The following DNAH12 variants were observed in gnomAD, a reference collection of about 807,000 sequenced individuals.
DNAH12 encodes the protein dynein axonemal heavy chain 12, also known as axonemal beta dynein heavy chain 12.
DNAH12 carries 285 observed loss-of-function variants against 371.5 expected under a neutral mutation model. The ratio of observed to expected loss-of-function variants is 0.77; its 90% CI spans 0.70 to 0.85. The LOEUF is 0.85. Ranked by LOEUF, DNAH12 falls within the 40% of genes least tolerant of loss-of-function variation. DNAH12 has a pLI of 0.00. For missense variants in DNAH12, 3,611 were observed against 3,689.4 expected (o/e 0.98, Z 0.55); for synonymous variants, 1,200 against 1,213.0 (o/e 0.99, Z 0.22).
At chr3:57,509,330 G>GA in intron 5 of DNAH12, 118 bp from the exon 6 acceptor site, 1 of 925,324 alleles carries the variant, frequency 1.1e-6, no homozygotes. Context: ...AGGAATGTAA[G>GA]AAAAAACTCC....
chr3:57,332,482 C>T (rs150392527), intron 62 of DNAH12, among the ~76,000 whole-genome samples: 31 of 152,290 alleles, frequency 2.0e-4, no homozygotes, highest in African/African-American at 7.2e-4. Flanking sequence ...GGACTGTGAT[C>T]ACTGAGAAAA....
intron 13 of DNAH12, among the ~76,000 whole-genome samples, chr3:57,477,220 G>A (rs988880495): frequency 1.3e-5 from 2 of 152,146 alleles, no homozygotes; most frequent in Non-Finnish European, 2.9e-5. Context: ...CAGGTCACTC[G>A]CACCCTAATA....
rs537118678 is a variant in DNAH12, at chr3:57,504,059, T to C, written c.1043A>G (p.Asp348Gly). Reference protein sequence around the residue: ...EFYPTFQDLEDNVLSLVERIA... With the variant: ...EFYPTFQDLEGNVLSLVERIA... ...TCGTTCCACCAAACTCAAGACATTATCTTCCAAATCTTGAAAGGTAGGATA... is the reference window on the plus strand; with the variant it reads ...TCGTTCCACCAAACTCAAGACATTACCTTCCAAATCTTGAAAGGTAGGATA... The change falls in exon 9 of 74, where the codon GAT (aspartate) becomes GGT (glycine). Residue 348 changes from aspartate to glycine, a missense_variant. Coordinates refer to ENST00000495027, the MANE Select transcript of DNAH12 (RefSeq NM_001366028.2). 57 of 1,613,920 alleles carry C rather than the reference T, an allele frequency of 3.5e-5. No individual in the cohort carries two copies. The South Asian group carries it at 5.4e-4, about 15-fold the overall frequency.
At chr3:57,513,684 T>C (rs1343121518) in intron 4 of DNAH12, among the ~76,000 whole-genome samples, 1 of 152,148 alleles carries the variant, frequency 6.6e-6, no homozygotes, top group Non-Finnish European at 1.5e-5. Context: ...AAAATGGCAC[T>C]TAAACCATAT....
chr3:57,293,887 G>A lies in DNAH12; in HGVS notation c.11777C>T (p.Thr3926Met), dbSNP rs368926229. 554 of 1,546,194 alleles carry A rather than the reference G, an allele frequency of 3.6e-4. No individual in the cohort carries two copies. The African/African-American group carries it at 5.9e-3, about 16-fold the overall frequency. Residue 3926 changes from threonine (T) to methionine (M), a missense_variant, in exon 74 of 74, where the codon ACG becomes ATG. Coordinates refer to ENST00000495027, the MANE Select transcript of DNAH12 (RefSeq NM_001366028.2). ...AATGACAAAGTTAGTAGAATGTCCC[G>A]TAGTGGAAAGAGTTCCTTTACGTTC... ...TSERKGTLST[T>M]GHSTNFVIAM...
chr3:57,381,419 T>C (rs1328290273), intron 50 of DNAH12, among the ~76,000 whole-genome samples: 1 of 152,116 alleles, frequency 6.6e-6, no homozygotes, highest in African/African-American at 2.4e-5. Context: ...GTAAATTCAG[T>C]TTAGAATGGA....
chr3:57,314,131 AG>A (rs1205723062), intron 66 of DNAH12, among the ~76,000 whole-genome samples: 1 of 152,204 alleles, frequency 6.6e-6, no homozygotes, highest in Admixed American at 6.5e-5. Flanking sequence ...AGGAAAGTAG[AG>A]GATAGTGGGG....
At chr3:57,501,005 TCCTGG>T (rs1445484276) in intron 11 of DNAH12, among the ~76,000 whole-genome samples, 1 of 152,210 alleles carries the variant, frequency 6.6e-6, no homozygotes, top group Non-Finnish European at 1.5e-5. Flanking sequence ...GGTCTCAAAT[TCCTGG>T]GCTCAAGCAA....
chr3:57,540,774 C>CA (rs879583198), intron 2 of DNAH12, among the ~76,000 whole-genome samples: 6 of 151,874 alleles, frequency 4.0e-5, no homozygotes, highest in Admixed American at 3.9e-4. Context: ...TTCAAAAATA[C>CA]AAAAAATTAG....
intron 6 of DNAH12, 143 bp downstream of exon 6, chr3:57,508,997 A>G (rs727978): frequency 0.13 from 89,968 of 695,782 alleles, 6,440 homozygotes; most frequent in South Asian, 0.17. Flanking sequence ...AATACCTCTG[A>G]GGTAAAAACA....
intron 8 of DNAH12, among the ~76,000 whole-genome samples, chr3:57,505,093 G>A (rs540324276): frequency 6.6e-6 from 1 of 152,040 alleles, no homozygotes; most frequent in East Asian, 1.9e-4. Flanking sequence ...TTGTCACGTT[G>A]CTCATGGCTG....
At chr3:57,461,409 C>T in intron 19 of DNAH12, 80 bp downstream of exon 19, 1 of 1,360,536 alleles carries the variant, frequency 7.4e-7, no homozygotes, top group South Asian at 1.3e-5. Flanking sequence ...CAATAAGCTA[C>T]TTATTACCAT....
At chr3:57,302,827 C>G (rs540093088) in intron 69 of DNAH12, among the ~76,000 whole-genome samples, 4 of 149,030 alleles carry the variant, frequency 2.7e-5, no homozygotes, top group African/African-American at 9.8e-5. Flanking sequence ...TCACCTGCCT[C>G]GGCCTCCCAA....
At chr3:57,333,011 A>C (rs2062136599) in intron 62 of DNAH12, among the ~76,000 whole-genome samples, 1 of 152,230 alleles carries the variant, frequency 6.6e-6, no homozygotes, top group Non-Finnish European at 1.5e-5. Context: ...ATAACCACAG[A>C]AGTTGATAAA....
At chr3:57,421,902 C>CTTTTTTTTTTTTTTTTTTTTTTTT (rs368757579) in intron 35 of DNAH12, among the ~76,000 whole-genome samples, 196 bp from the exon 36 acceptor site, 5 of 98,548 alleles carry the variant, frequency 5.1e-5, no homozygotes, top group African/African-American at 1.5e-4. Context: ...GTTTGCATGT[C>CTTTTTTTTTTTTTTTTTTTTTTTT]TTTTTTTTTT....
chr3:57,451,780 T>C (rs1022395793), intron 25 of DNAH12, among the ~76,000 whole-genome samples: 1 of 152,118 alleles, frequency 6.6e-6, no homozygotes, highest in Admixed American at 6.5e-5. Context: ...GTTAACTGTC[T>C]CTCTAAAGTA....
chr3:57,372,604 C>A (rs956907099), intron 55 of DNAH12, among the ~76,000 whole-genome samples: 35 of 151,842 alleles, frequency 2.3e-4, no homozygotes, highest in African/African-American at 8.2e-4. Flanking sequence ...GATATTTACG[C>A]TATATATATA....
intron 58 of DNAH12, among the ~76,000 whole-genome samples, chr3:57,359,816 G>A (rs2062883507): frequency 6.6e-6 from 1 of 152,092 alleles, no homozygotes; most frequent in Admixed American, 6.6e-5. Flanking sequence ...TCAGGGAAAA[G>A]GGAAAAGCAG....
Position 57,437,049 on chromosome 3 carries a change from T to C in DNAH12, c.4557A>G (p.Glu1519=), listed in dbSNP as rs1223375825. Residue 1519 remains glutamate (E), a synonymous_variant, in exon 30 of 74, where the codon GAA becomes GAG. Transcript: ENST00000495027. ...GTACATTGCAGGCTTCATGAGCACATTCCAAAAATTCCTGAAATAAAAAAA... is the reference window on the plus strand; with the variant it reads ...GTACATTGCAGGCTTCATGAGCACACTCCAAAAATTCCTGAAATAAAAAAA... ...LPEADYHEFL[E]CAHEACNVHN... 1 of 1,517,136 alleles carries C rather than the reference T, an allele frequency of 6.6e-7. No individual in the cohort carries two copies. The highest frequency in any genetic ancestry group is 1.4e-5 in the African/African-American group (1 of 70,892). 94.0% of individuals were successfully genotyped at this position (1,517,136 alleles called of 1,614,324 possible).
Sources: allele counts gnomAD v4.1 joint callset (sites outside exome capture counted in the v4.1 genomes callset), GRCh38; gene constraint gnomAD v4.1.1; transcripts MANE v1.5; gene names NCBI Gene and HGNC (gene_info 2026-07-23, HGNC 2026-07-21).